Variants in SRCAP observed in about 807,000 individuals in gnomAD.
The protein encoded by SRCAP is chromatin remodeling protein SRCAP.
SRCAP carries 46 observed loss-of-function variants against 263.1 expected under a neutral mutation model. The observed-to-expected ratio is 0.17, with a 90% CI of 0.14 to 0.22. The LOEUF (loss-of-function observed/expected upper bound fraction) is 0.22, where lower values mean the gene tolerates loss of function less well. SRCAP is among the 10% of genes least tolerant of loss of function. The pLI, the probability that SRCAP is intolerant of heterozygous loss-of-function variation, is 1.00. For synonymous variants in SRCAP, 1,813 were observed against 1,662.1 expected, an observed-to-expected ratio of 1.09 and a Z score of -2.21; for missense variants, 3,695 against 4,181.9, an observed-to-expected ratio of 0.88 and a Z score of 3.21.
rs768548516 is a variant in SRCAP, at chr16:30,709,560, A to G, written c.681A>G (p.Lys227=). 6.2e-7 allele frequency: 1 copy of G among 1,614,188 alleles called. No homozygotes were observed. Among genetic ancestry groups the G allele is most frequent in the African/African-American group, 1.3e-5 (1 of 75,038 alleles). Residue 227 remains lysine (K), a synonymous_variant, in exon 7 of 34, where the codon AAA becomes AAG. Transcript: ENST00000262518. ...QQSRLEEKRK[K]ALDLHLDFIV... is the part of the protein sequence containing the mutation. Reference sequence around the variant, plus strand: ...CCCGGCTTGAGGAAAAGCGCAAAAAAGCCCTGGACCTGCATTTGGACTTCA... The same window carrying G: ...CCCGGCTTGAGGAAAAGCGCAAAAAGGCCCTGGACCTGCATTTGGACTTCA...
chr16:30,703,943 A>G (rs1596640256), intron 3 of SRCAP, 121 bp from the exon 4 acceptor site: 1 of 1,204,910 alleles, frequency 8.3e-7, no homozygotes, highest in South Asian at 1.7e-5. Flanking sequence ...TGTTTATGAA[A>G]ATAAGGTTTA....
intron 18 of SRCAP, among the ~76,000 whole-genome samples, chr16:30,718,631 C>T (rs1224375080): frequency 6.6e-6 from 1 of 151,944 alleles, no homozygotes; most frequent in African/African-American, 2.4e-5. Flanking sequence ...GCCACCACTC[C>T]CAGCTAATTT....
Position 30,724,757 on chromosome 16 carries a change from C to T in SRCAP, c.5333C>T (p.Ser1778Leu), listed in dbSNP as rs749054747. Residue 1778 changes from serine (S) to leucine (L), a missense_variant, in exon 25 of 34, where the codon TCA becomes TTA. Physicochemically the swap from Ser to Leu is moderately radical, Grantham distance 145. Transcript: ENST00000262518. The stretch of plus-strand genomic sequence containing the variant: ...TTGGCTCCAGCATCGTCATCTGCTT[C>T]ACTCCTGGCCCCAGCTTCAGTGCAG... ...LTLAPASSSA[S>L]LLAPASVQTL... The T allele has an allele frequency of 3.1e-6, 5 of 1,613,882 alleles. No homozygotes were observed. In the Admixed American group the frequency reaches 6.7e-5, roughly 22 times the overall value.
In SRCAP at chr16:30,725,260, A is replaced by G. The variant is rs923082241; in HGVS notation, c.5658+178A>G. The G allele has an allele frequency of 2.3e-6, 3 of 1,295,816 alleles. No individual in the cohort carries two copies. In the East Asian group the frequency reaches 8.2e-5, roughly 35 times the overall value. The allele number at this position is 1,295,816 out of a possible 1,614,324, so 80.3% of individuals were successfully genotyped here. A position where few individuals can be genotyped will look rare whatever the true frequency, so the allele number is the denominator to read the frequency against. ...CTCTTCCCTGGGCGTGTACCTCATG[A>G]TCCGCCTGCCTCAGCCTCCTGAAGT... On this transcript the variant is annotated intron_variant, in intron 25 of 33. Transcript: ENST00000262518.
chr16:30,720,776 G>A lies in SRCAP; in HGVS notation c.3051G>A (p.Ala1017=), dbSNP rs142759951. The stretch of plus-strand genomic sequence containing the variant: ...TGGTGGTGGTGAACAACCCACGGGC[G>A]CCCCTGGGCCCTGTCCCAGTTCGAC... ...RTVVVVNNPR[A]PLGPVPVRPP... is the part of the protein sequence containing the mutation. Residue 1017 remains alanine (A), a synonymous_variant, in exon 20 of 34, where the codon GCG becomes GCA. Coordinates refer to ENST00000262518, the MANE Select transcript of SRCAP (RefSeq NM_006662.3). 2.0e-5 allele frequency: 33 copies of A among 1,613,918 alleles called. No homozygotes were observed. The African/African-American group carries it at 2.8e-4, about 14-fold the overall frequency.
Position 30,700,761 on chromosome 16 carries a change from C to T in SRCAP, c.-64C>T. 2 of 1,493,466 alleles carry T rather than the reference C, an allele frequency of 1.3e-6. No homozygotes were observed. Among genetic ancestry groups the T allele is most frequent in the Non-Finnish European group, 1.9e-6 (2 of 1,076,040 alleles). The allele number at this position is 1,493,466 out of a possible 1,614,324, so 92.5% of individuals were successfully genotyped here. A position where few individuals can be genotyped will look rare whatever the true frequency, so the allele number is the denominator to read the frequency against. On this transcript the variant is annotated 5_prime_UTR_variant, in exon 3 of 34. Transcript: ENST00000262518. ...AGCCGGACGCCAGCCCCTCGGCCAG[C>T]AGTACTGGTGATAACAACCCAGTCA...
intron 3 of SRCAP, among the ~76,000 whole-genome samples, chr16:30,703,314 C>G (rs941813653): frequency 6.6e-6 from 1 of 151,402 alleles, no homozygotes; most frequent in African/African-American, 2.4e-5. Flanking sequence ...GTGCCTCAAC[C>G]TCCTGAGTAG....
intron 27 of SRCAP, among the ~76,000 whole-genome samples, 190 bp downstream of exon 27, chr16:30,729,762 T>C (rs1033767386): frequency 2.0e-5 from 3 of 152,220 alleles, no homozygotes; most frequent in Non-Finnish European, 4.4e-5. Flanking sequence ...TTCATAAATA[T>C]GACTTTCTTC....
chr16:30,738,887 C>G lies in SRCAP; in HGVS notation c.8847C>G (p.Pro2949=). The G allele has an allele frequency of 6.2e-7, 1 of 1,614,142 alleles. No individual in the cohort carries two copies. Among genetic ancestry groups the G allele is most frequent in the Non-Finnish European group, 8.5e-7 (1 of 1,180,030 alleles). ...RGRPPKARDL[P]IPGTISSAGD... ...GACCCCCTAAAGCACGAGATTTGCC[C>G]ATCCCTGGGACCATTTCCTCTGCAG... is the stretch of plus-strand genomic sequence containing the variant. The change falls in exon 34 of 34, where the codon CCC becomes CCG. Residue 2949 remains proline, a synonymous_variant. Coordinates refer to ENST00000262518, the MANE Select transcript of SRCAP (RefSeq NM_006662.3).
chr16:30,738,457 G>A lies in SRCAP; in HGVS notation c.8417G>A (p.Gly2806Asp). ...MSGPESSPPI[G>D]GPCEAAPSSS... ...GGGCCAGAATCCTCCCCTCCCATTGGTGGGCCCTGTGAAGCTGCTCCTTCA... is the reference window on the plus strand; with the variant it reads ...GGGCCAGAATCCTCCCCTCCCATTGATGGGCCCTGTGAAGCTGCTCCTTCA... The change falls in exon 34 of 34, where the codon GGT (glycine) becomes GAT (aspartate). Residue 2806 changes from glycine to aspartate, a missense_variant. Around this residue, in one of 12 missense-constraint regions of SRCAP, gnomAD observed 1,207 missense variants for 1,142.9 expected, o/e 1.06. Coordinates refer to ENST00000262518, the MANE Select transcript of SRCAP (RefSeq NM_006662.3). The A allele has an allele frequency of 6.4e-7, 1 of 1,567,172 alleles. No individual in the cohort carries two copies. Among genetic ancestry groups the A allele is most frequent in the Non-Finnish European group, 8.6e-7 (1 of 1,156,818 alleles).
chr16:30,715,409 CA>C (rs1309885136), intron 16 of SRCAP, among the ~76,000 whole-genome samples: 2 of 151,948 alleles, frequency 1.3e-5, no homozygotes, highest in African/African-American at 2.4e-5. Flanking sequence ...ACTAAAAATA[CA>C]AAAAATTAGC....
Position 30,724,214 on chromosome 16 carries a change from T to C in SRCAP, c.4790T>C (p.Ile1597Thr). Residue 1597 changes from isoleucine to threonine, a missense_variant, in exon 25 of 34, where the codon ATT (isoleucine) becomes ACT (threonine). Physicochemically the swap from Ile to Thr is moderately conservative, Grantham distance 89 (BLOSUM62 -1). Coordinates refer to ENST00000262518, the MANE Select transcript of SRCAP (RefSeq NM_006662.3). ...LAPMAAPQTA[I>T]LAPSPAPPLA... is the part of the protein sequence containing the mutation. ...CCTATGGCGGCTCCACAGACAGCAA[T>C]TCTGGCTCCTTCTCCAGCTCCTCCT... 6.2e-7 allele frequency: 1 copy of C among 1,613,830 alleles called. No homozygotes were observed. Among genetic ancestry groups the C allele is most frequent in the Non-Finnish European group, 8.5e-7 (1 of 1,179,934 alleles).
intron 18 of SRCAP, among the ~76,000 whole-genome samples, chr16:30,717,039 T>G (rs1405903439): frequency 8.5e-5 from 13 of 152,260 alleles, no homozygotes; most frequent in Admixed American, 8.5e-4. Flanking sequence ...TTTTCCATAG[T>G]AGCTGCATGT....
intron 33 of SRCAP, 55 bp downstream of exon 33, chr16:30,736,679 T>G: frequency 6.3e-7 from 1 of 1,580,712 alleles, no homozygotes; most frequent in Admixed American, 1.7e-5. Flanking sequence ...TTCTTTTTCT[T>G]TTCTCTTTTT....
In SRCAP at chr16:30,723,629, A is replaced by G. The variant is rs1321633562; in HGVS notation, c.4205A>G (p.His1402Arg). 1.9e-6 allele frequency: 3 copies of G among 1,613,068 alleles called. No individual in the cohort carries two copies. The highest frequency in any genetic ancestry group is 2.5e-6 in the Non-Finnish European group (3 of 1,179,518). The change falls in exon 25 of 34, where the codon CAC (histidine) becomes CGC (arginine). Residue 1402 changes from histidine (H) to arginine (R), a missense_variant. His to Arg is a conservative substitution (Grantham distance 29, BLOSUM62 0). Around this residue, in one of 12 missense-constraint regions of SRCAP, gnomAD observed 1,347 missense variants for 1,304.4 expected, o/e 1.03. Transcript: ENST00000262518. ...AAPLTISSPL[H>R]VPSSLPGPAS... ...CCCTTGACCATCTCTTCTCCTCTCC[A>G]CGTGCCATCCTCCCTCCCTGGGCCA...
chr16:30,699,372 G>T (rs920722318), intron 1 of SRCAP, 130 bp downstream of exon 1: 11 of 393,528 alleles, frequency 2.8e-5, no homozygotes, highest in African/African-American at 6.2e-5. Flanking sequence ...GCCTGTTTCC[G>T]GCGCGTGGTT....
At chr16:30,727,040 T>C (rs1449952673) in intron 25 of SRCAP, among the ~76,000 whole-genome samples, 2 of 152,138 alleles carry the variant, frequency 1.3e-5, no homozygotes, top group African/African-American at 2.4e-5. Context: ...GGGTTTACCA[T>C]GTTTGCCACG....
Position 30,729,548 on chromosome 16 carries a change from T to C in SRCAP, c.6103T>C (p.Leu2035=). 4 of 1,614,208 alleles carry C rather than the reference T, an allele frequency of 2.5e-6. No individual in the cohort carries two copies. The highest frequency in any genetic ancestry group is 2.2e-5 in the East Asian group (1 of 44,894). Residue 2035 remains leucine, a synonymous_variant, in exon 27 of 34, where the codon TTA becomes CTA. Transcript: ENST00000262518. The part of the protein sequence containing the change: ...VCNMRTQFPD[L]RLIQYDCGKL... ...TAACATGCGCACCCAGTTCCCTGAC[T>C]TAAGACTCATCCAGTATGATTGCGG...
intron 18 of SRCAP, among the ~76,000 whole-genome samples, chr16:30,719,540 G>T (rs953591128): frequency 6.6e-6 from 1 of 151,608 alleles, no homozygotes; most frequent in Non-Finnish European, 1.5e-5. Flanking sequence ...TTGAGGCAGG[G>T]TCTTGTTCTG....
Sources: gnomAD v4.1 joint callset for allele counts (sites outside exome capture counted in the v4.1 genomes callset) on GRCh38, gnomAD v4.1.1 for gene constraint, gnomAD v4.1.1 regional missense constraint, MANE v1.5 for transcripts, NCBI Gene and HGNC (gene_info 2026-07-23, HGNC 2026-07-21) for gene names.